CXCL13: variants seen among roughly 807,000 people sequenced by gnomAD.
CXCL13 encodes the protein C-X-C motif chemokine ligand 13, also known as C-X-C motif chemokine 13.
In CXCL13, 7 loss-of-function variants were observed where a neutral mutation model predicts 12.2. That is an observed-to-expected ratio of 0.57 (90% CI 0.33 to 1.07). The LOEUF is 1.07. Among genes scored for constraint, CXCL13 ranks in the 50% least tolerant of loss-of-function variants. The pLI, the probability that CXCL13 is intolerant of heterozygous loss-of-function variation, is 0.04. For missense variants in CXCL13, 113 were observed against 127.4 expected, an observed-to-expected ratio of 0.89 and a Z score of 0.55; for synonymous variants, 47 against 42.4, an observed-to-expected ratio of 1.11 and a Z score of -0.42.
chr4:77,524,251 C>G (rs1724702501), intron 1 of CXCL13, among the ~76,000 whole-genome samples: 1 of 152,198 alleles, frequency 6.6e-6, no homozygotes, highest in Non-Finnish European at 1.5e-5. Flanking sequence ...GGGAGAACCC[C>G]TTCTCTCTTC....
intron 1 of CXCL13, among the ~76,000 whole-genome samples, chr4:77,520,475 C>G (rs190108095): frequency 1.3e-5 from 2 of 152,130 alleles, no homozygotes; most frequent in South Asian, 2.1e-4. Flanking sequence ...CTTTTTGCAG[C>G]AATTGTGAAT....
Position 77,530,759 on chromosome 4 carries a change from TG to T in CXCL13, c.-43+18972del, listed in dbSNP as rs553042028. 2.8e-3 allele frequency among the ~76,000 whole-genome samples: 427 copies of T among 152,320 alleles called. 4 individuals carry two copies. Among genetic ancestry groups the T allele is most frequent in the African/African-American group, 0.01 (416 of 41,560 alleles). ...TTCATTGATTTTTTGAAGGGTTTTT[TG>T]TGTCTCTATTTCCTTCAGTTCTGCT... On this transcript the variant is annotated intron_variant, in intron 1 of 4. Coordinates refer to the CXCL13 transcript ENST00000286758.
intron 1 of CXCL13, among the ~76,000 whole-genome samples, chr4:77,543,947 TC>T (rs1322561499): frequency 6.6e-6 from 1 of 152,128 alleles, no homozygotes; most frequent in African/African-American, 2.4e-5. Flanking sequence ...CCACCCTGTG[TC>T]CAAATGTTCT....
chr4:77,521,145 G>A (rs965304058), intron 1 of CXCL13, among the ~76,000 whole-genome samples: 4 of 152,052 alleles, frequency 2.6e-5, no homozygotes, highest in African/African-American at 4.8e-5. Context: ...ATTTTCACAC[G>A]GGTGTTCATC....
chr4:77,608,239 G>A (rs1040747911), intron 2 of CXCL13, among the ~76,000 whole-genome samples: 1 of 152,028 alleles, frequency 6.6e-6, no homozygotes, highest in African/African-American at 2.4e-5. Context: ...TCAGGAGTTC[G>A]AGACCAGCCT....
At chr4:77,608,477 C>T (rs908813227) in intron 2 of CXCL13, among the ~76,000 whole-genome samples, 3 of 151,980 alleles carry the variant, frequency 2.0e-5, no homozygotes, top group African/African-American at 7.2e-5. Flanking sequence ...GTGCATTAGC[C>T]AGGACTCCAT....
chr4:77,546,312 C>A (rs756867914), intron 1 of CXCL13, among the ~76,000 whole-genome samples: 5 of 152,156 alleles, frequency 3.3e-5, no homozygotes, highest in Non-Finnish European at 7.3e-5. Context: ...GGAATAGTTT[C>A]AGAAGTAATG....
rs375237503 is a variant in CXCL13 at position 77,609,550 on chromosome 4, C to T, written c.198-1064C>T. Among the ~76,000 whole-genome samples, 16 of 152,156 alleles carry T rather than the reference C, an allele frequency of 1.1e-4. No homozygotes were observed. The East Asian group carries it at 1.4e-3, about 13-fold the overall frequency. The stretch of plus-strand genomic sequence containing the variant: ...CCCAGGCTCCTGGCCTCAAGCAATC[C>T]GCCCACCTCAGCCTCCCAAAGTGCT... On this transcript the variant is annotated intron_variant, in intron 2 of 3. Transcript: ENST00000682537.
chr4:77,560,027 G>T lies in CXCL13; in HGVS notation c.-42-45797G>T, dbSNP rs142266571. 4.6e-5 allele frequency among the ~76,000 whole-genome samples: 7 copies of T among 150,742 alleles called. No homozygotes were observed. In the East Asian group the frequency reaches 1.4e-3, roughly 29 times the overall value. ...ACTTCCTAGTCATAAACACTTCTGT[G>T]ACCACAGCAATGAGGTTGTTTTCTT... On this transcript the variant is annotated intron_variant, in intron 1 of 4. Coordinates refer to the CXCL13 transcript ENST00000286758.
intron 1 of CXCL13, among the ~76,000 whole-genome samples, chr4:77,533,448 G>A (rs1369967084): frequency 2.0e-5 from 3 of 152,196 alleles, no homozygotes; most frequent in Non-Finnish European, 4.4e-5. Flanking sequence ...GCCCCTACTG[G>A]GAGGTGCCTC....
chr4:77,545,419 T>A (rs973270375), intron 1 of CXCL13, among the ~76,000 whole-genome samples: 1 of 152,224 alleles, frequency 6.6e-6, no homozygotes, highest in Non-Finnish European at 1.5e-5. Context: ...CTCTTTTATT[T>A]CCTTGAGCAG....
At chr4:77,564,642 T>C (rs1004011297) in intron 1 of CXCL13, among the ~76,000 whole-genome samples, 3 of 152,194 alleles carry the variant, frequency 2.0e-5, no homozygotes, top group African/African-American at 4.8e-5. Flanking sequence ...TGAAGAAAGC[T>C]AGGACAAAAT....
chr4:77,525,793 C>T (rs563461726), intron 1 of CXCL13, among the ~76,000 whole-genome samples: 1 of 152,040 alleles, frequency 6.6e-6, no homozygotes, highest in Non-Finnish European at 1.5e-5. Context: ...GCAAGCACAC[C>T]TGGGGTTCTT....
chr4:77,549,740 G>A (rs1725460768), intron 1 of CXCL13, among the ~76,000 whole-genome samples: 1 of 152,164 alleles, frequency 6.6e-6, no homozygotes, highest in Admixed American at 6.5e-5. Flanking sequence ...CCAGCTGTAT[G>A]AGGTGTCAGT....
chr4:77,572,316 A>C (rs1726105543), intron 1 of CXCL13, among the ~76,000 whole-genome samples: 1 of 151,906 alleles, frequency 6.6e-6, no homozygotes, highest in Non-Finnish European at 1.5e-5. Flanking sequence ...CATGAGAAGC[A>C]TTTGAACCTG....
At chr4:77,562,074 G>A (rs970972979) in intron 1 of CXCL13, among the ~76,000 whole-genome samples, 1 of 152,140 alleles carries the variant, frequency 6.6e-6, no homozygotes, top group Non-Finnish European at 1.5e-5. Context: ...GGCTGCGCTC[G>A]AATTCTCGCG....
At chr4:77,516,011 G>T (rs932323305) in intron 1 of CXCL13, among the ~76,000 whole-genome samples, 4 of 152,272 alleles carry the variant, frequency 2.6e-5, no homozygotes, top group East Asian at 1.9e-4. Flanking sequence ...AGAGTTTTTA[G>T]CGTGAAGTGC....
intron 1 of CXCL13, among the ~76,000 whole-genome samples, chr4:77,574,269 T>C (rs1283573663): frequency 6.6e-6 from 1 of 151,882 alleles, no homozygotes; most frequent in Admixed American, 6.6e-5. Flanking sequence ...TATTATAATT[T>C]CTGACAGCCT....
intron 1 of CXCL13, among the ~76,000 whole-genome samples, chr4:77,559,880 C>T (rs536831187): frequency 1.2e-4 from 17 of 141,132 alleles, no homozygotes; most frequent in South Asian, 1.1e-3. Flanking sequence ...AGAGATGGCA[C>T]CAATGCACTC....
Sources: gnomAD v4.1 joint callset for allele counts (sites outside exome capture counted in the v4.1 genomes callset) on GRCh38, gnomAD v4.1.1 for gene constraint, MANE v1.5 for transcripts, NCBI Gene and HGNC (gene_info 2026-07-23, HGNC 2026-07-21) for gene names.